Variants in FBXO46 observed in about 807,000 individuals in gnomAD.
The protein encoded by FBXO46 is F-box only protein 46.
FBXO46 carries 13 observed loss-of-function variants against 30.7 expected under a neutral mutation model. The observed-to-expected ratio is 0.42, with a 90% confidence interval of 0.28 to 0.67. FBXO46 has a LOEUF of 0.67. Among genes scored for constraint, FBXO46 ranks in the 30% least tolerant of loss-of-function variants. FBXO46 has a pLI of 0.21. For synonymous variants in FBXO46, 467 were observed against 385.8 expected (o/e 1.21, Z -2.47); for missense variants, 754 against 871.5 (o/e 0.87, Z 1.70).
Position 45,713,509 on chromosome 19 carries a change from G to A in FBXO46, c.-14C>T. The A allele has an allele frequency of 2.6e-6, 4 of 1,535,346 alleles. No individual in the cohort carries two copies. Among genetic ancestry groups the A allele is most frequent in the Non-Finnish European group, 3.5e-6 (4 of 1,137,308 alleles). The stretch of plus-strand genomic sequence containing the variant: ...CCCACGGTCCATGCTGGGGGATGAT[G>A]GCAGACAGGCTGGGCTTCAGCGCAT... On this transcript the variant is annotated 5_prime_UTR_variant, in exon 2 of 2. Transcript: ENST00000317683. This position sits in a 1 kb window ranked among gnomAD's most constrained non-coding sequence, Gnocchi z 4.7.
At chr19:45,727,515 C>T (rs1968255123) in intron 1 of FBXO46, among the ~76,000 whole-genome samples, 2 of 150,580 alleles carry the variant, frequency 1.3e-5, no homozygotes, top group South Asian at 2.1e-4. Context: ...GCCAAGATCA[C>T]ACCACTGGCC....
chr19:45,711,773 C>A lies in FBXO46; in HGVS notation c.1723G>T (p.Gly575Cys). The A allele has an allele frequency of 6.3e-7, 1 of 1,599,018 alleles. No homozygotes were observed. The highest frequency in any genetic ancestry group is 8.5e-7 in the Non-Finnish European group (1 of 1,175,270). Reference sequence around the variant, plus strand: ...TTATCGTGGAGGCCCAGGCGGCAGCCGGGAGTCTCGCGGTCGGCTCGACGG... The same window carrying A: ...TTATCGTGGAGGCCCAGGCGGCAGCAGGGAGTCTCGCGGTCGGCTCGACGG... ...CCRRADRETP[G>C]CRLGLHDNNW... Residue 575 changes from glycine to cysteine, a missense_variant, in exon 2 of 2, where the codon GGC becomes TGC. Physicochemically the swap from Gly to Cys is radical, Grantham distance 159 (BLOSUM62 -3). This residue lies in a region of FBXO46 where 162 missense variants were observed against 258.7 expected (regional missense o/e 0.63). Transcript: ENST00000317683.
At chr19:45,727,121 C>T (rs556135040) in intron 1 of FBXO46, among the ~76,000 whole-genome samples, 1 of 151,910 alleles carries the variant, frequency 6.6e-6, no homozygotes, top group African/African-American at 2.4e-5. Flanking sequence ...TGGTGACACA[C>T]GCTTGTAGTC....
chr19:45,712,383 C>T lies in FBXO46; in HGVS notation c.1113G>A (p.Thr371=), dbSNP rs752382090. 2.6e-5 allele frequency: 41 copies of T among 1,605,086 alleles called. No individual in the cohort carries two copies. In the Admixed American group the frequency reaches 5.0e-4, roughly 20 times the overall value. The change falls in exon 2 of 2, where the codon ACG becomes ACA. Residue 371 remains threonine (T), a synonymous_variant. Coordinates refer to ENST00000317683, the MANE Select transcript of FBXO46 (RefSeq NM_001080469.2). This position sits in a 1 kb window ranked among gnomAD's most constrained non-coding sequence, Gnocchi z 8.8. ...AGAAGATGCACTCATCTACCACGCCCGTCACCACCACGTCCACGTGGAAGC... is the reference window on the plus strand; with the variant it reads ...AGAAGATGCACTCATCTACCACGCCTGTCACCACCACGTCCACGTGGAAGC... The part of the protein sequence containing the change: ...ASGFHVDVVV[T]GVVDECIFFG...
chr19:45,712,959 C>T lies in FBXO46; in HGVS notation c.537G>A (p.Val179=), dbSNP rs1243830322. The part of the protein sequence containing the change: ...LLSVAEMVAL[V]EQRAALALQS... ...GCAGGGCCAGGGCTGCCCGCTGTTC[C>T]ACCAGGGCCACCATCTCGGCCACAG... The change falls in exon 2 of 2, where the codon GTG becomes GTA. Residue 179 remains valine, a synonymous_variant. Transcript: ENST00000317683. The surrounding 1 kb of genome is among the most constrained non-coding windows in gnomAD (Gnocchi z 8.8). 1 of 1,584,268 alleles carries T rather than the reference C, an allele frequency of 6.3e-7. No individual in the cohort carries two copies. The highest frequency in any genetic ancestry group is 8.6e-7 in the Non-Finnish European group (1 of 1,164,600).
In FBXO46 at chr19:45,713,063, G is replaced by C; in HGVS notation, c.433C>G (p.Pro145Ala). ...GGGCCCTCCCGGCCCCCTGGGTCAG[G>C]AGGAGCCTTGGTGGGGTCAAGACAG... ...RRCLDPTKAP[P>A]DPGGREGPPA... Residue 145 changes from proline (P) to alanine (A), a missense_variant, in exon 2 of 2, where the codon CCT (proline) becomes GCT (alanine). By Grantham distance (27) the Pro-to-Ala change is conservative. Transcript: ENST00000317683. This position sits in a 1 kb window ranked among gnomAD's most constrained non-coding sequence, Gnocchi z 4.7. The C allele has an allele frequency of 4.4e-6, 7 of 1,578,198 alleles. No individual in the cohort carries two copies. The highest frequency in any genetic ancestry group is 6.0e-6 in the Non-Finnish European group (7 of 1,163,948).
intron 1 of FBXO46, among the ~76,000 whole-genome samples, chr19:45,721,828 C>T (rs1327555236): frequency 6.6e-6 from 1 of 150,612 alleles, no homozygotes; most frequent in South Asian, 2.1e-4. Flanking sequence ...CCACCACGCC[C>T]GGCACCACCC....
chr19:45,712,483 C>T lies in FBXO46; in HGVS notation c.1013G>A (p.Ser338Asn). 6 of 1,606,992 alleles carry T rather than the reference C, an allele frequency of 3.7e-6. No homozygotes were observed. Among genetic ancestry groups the T allele is most frequent in the Non-Finnish European group, 5.1e-6 (6 of 1,176,538 alleles). Residue 338 changes from serine to asparagine, a missense_variant, in exon 2 of 2, where the codon AGC becomes AAC. By Grantham distance (46) the Ser-to-Asn change is conservative (BLOSUM62 1). Around this residue, in one of 5 missense-constraint regions of FBXO46, gnomAD observed 454 missense variants for 426.5 expected, o/e 1.06. Transcript: ENST00000317683. This position sits in a 1 kb window ranked among gnomAD's most constrained non-coding sequence, Gnocchi z 8.8. ...ARADEASEGD[S>N]PAPARPEDTP... Reference sequence around the variant, plus strand: ...GTCCTCAGGCCTGGCGGGTGCCGGGCTGTCACCCTCACTGGCCTCATCCGC... The same window carrying T: ...GTCCTCAGGCCTGGCGGGTGCCGGGTTGTCACCCTCACTGGCCTCATCCGC...
At chr19:45,731,330 T>C (rs1206180447), upstream of FBXO46, among the ~76,000 whole-genome samples, 38 of 151,246 alleles carry the variant, frequency 2.5e-4, no homozygotes, top group African/African-American at 9.2e-4. Context: ...TTTTTTTTTT[T>C]TTTTGAGACG....
Position 45,712,041 on chromosome 19 carries a change from G to A in FBXO46, c.1455C>T (p.Phe485=), listed in dbSNP as rs766581156. 9 of 1,612,136 alleles carry A rather than the reference G, an allele frequency of 5.6e-6. No homozygotes were observed. The highest frequency in any genetic ancestry group is 5.3e-5 in the African/African-American group (4 of 74,916). ...CCAGCGCGCGCGTGGGCAGGAAGCT[G>A]AAGATCTTGACCAGCACGTGCTCGG... ...LLPEHVLVKI[F]SFLPTRALAA... The change falls in exon 2 of 2, where the codon TTC becomes TTT. Residue 485 remains phenylalanine, a synonymous_variant. Coordinates refer to ENST00000317683, the MANE Select transcript of FBXO46 (RefSeq NM_001080469.2). The surrounding 1 kb of genome is among the most constrained non-coding windows in gnomAD (Gnocchi z 8.8).
Position 45,712,248 on chromosome 19 carries a change from C to A in FBXO46, c.1248G>T (p.Pro416=). ...GQLFFLQNRG[P]DGPPEPPPAD... is the part of the protein sequence containing the mutation. ...CCGGGGGTGGCTCCGGGGGCCCGTC[C>A]GGCCCGCGGTTCTGGAGAAAGAAGA... The change falls in exon 2 of 2, where the codon CCG becomes CCT. Residue 416 remains proline (P), a synonymous_variant. Coordinates refer to ENST00000317683, the MANE Select transcript of FBXO46 (RefSeq NM_001080469.2). The surrounding 1 kb of genome is among the most constrained non-coding windows in gnomAD (Gnocchi z 8.8). 1 of 1,604,562 alleles carries A rather than the reference C, an allele frequency of 6.2e-7. No individual in the cohort carries two copies.
chr19:45,719,440 G>T (rs748900977), intron 1 of FBXO46, among the ~76,000 whole-genome samples: 12 of 151,162 alleles, frequency 7.9e-5, no homozygotes, highest in Non-Finnish European at 1.5e-4. Flanking sequence ...CTTCCAAATA[G>T]ATAAAGCAAA....
upstream of FBXO46, among the ~76,000 whole-genome samples, chr19:45,733,095 G>A (rs1968349063): frequency 1.3e-5 from 2 of 152,148 alleles, no homozygotes; most frequent in African/African-American, 2.4e-5. This position sits in a 1 kb window ranked among gnomAD's most constrained non-coding sequence, Gnocchi z 5.7. Context: ...AGGGCCAGAA[G>A]GGACACAGGC....
rs547331880 is a variant in FBXO46, at chr19:45,712,788, C to T, written c.708G>A (p.Ala236=). The stretch of plus-strand genomic sequence containing the variant: ...CCTTGGTGGGAGGGCTGTCCCTCTG[C>T]GCTTCAAAGTGGGCCACGGCCTCGG... The part of the protein sequence containing the change: ...RVAEAVAHFE[A]QRDSPPTKGL... Residue 236 remains alanine, a synonymous_variant, in exon 2 of 2, where the codon GCG becomes GCA. Coordinates refer to ENST00000317683, the MANE Select transcript of FBXO46 (RefSeq NM_001080469.2). The surrounding 1 kb of genome is among the most constrained non-coding windows in gnomAD (Gnocchi z 8.8). 1.7e-5 allele frequency: 28 copies of T among 1,611,474 alleles called. No individual in the cohort carries two copies. Among genetic ancestry groups the T allele is most frequent in the South Asian group, 1.2e-4 (11 of 90,868 alleles).
intron 1 of FBXO46, chr19:45,715,107 T>C (rs987571784): frequency 2.0e-5 from 3 of 152,348 alleles, no homozygotes; most frequent in Admixed American, 6.5e-5. Context: ...TTGGAATGAC[T>C]TGATGTGAAT....
intron 1 of FBXO46, among the ~76,000 whole-genome samples, chr19:45,721,980 T>C (rs1968178673): frequency 6.6e-6 from 1 of 152,046 alleles, no homozygotes; most frequent in Admixed American, 6.6e-5. Flanking sequence ...CCTGCCACCA[T>C]GCCCGGCTAA....
At chr19:45,726,981 G>A (rs1968247957) in intron 1 of FBXO46, among the ~76,000 whole-genome samples, 1 of 152,150 alleles carries the variant, frequency 6.6e-6, no homozygotes, top group South Asian at 2.1e-4. Context: ...AGGCTGGCTG[G>A]GCACTGGGGC....
In FBXO46 at chr19:45,711,735, C is replaced by G; in HGVS notation, c.1761G>C (p.Leu587=). The change falls in exon 2 of 2, where the codon CTG becomes CTC. Residue 587 remains leucine (L), a synonymous_variant. Coordinates refer to ENST00000317683, the MANE Select transcript of FBXO46 (RefSeq NM_001080469.2). Reference sequence around the variant, plus strand: ...GGCCCCCGCCTGGCCCATTGCAGGGCAGCACCCAGTTGTTATCGTGGAGGC... The same window carrying G: ...GGCCCCCGCCTGGCCCATTGCAGGGGAGCACCCAGTTGTTATCGTGGAGGC... The part of the protein sequence containing the change: ...RLGLHDNNWV[L]PCNGPGGGRA... 1 of 1,510,552 alleles carries G rather than the reference C, an allele frequency of 6.6e-7. No individual in the cohort carries two copies. The highest frequency in any genetic ancestry group is 8.9e-7 in the Non-Finnish European group (1 of 1,129,902). The allele number at this position is 1,510,552 out of a possible 1,614,324, so 93.6% of individuals were successfully genotyped here. A position where few individuals can be genotyped will look rare whatever the true frequency, so the allele number is the denominator to read the frequency against.
At position 45,711,630 on chromosome 19, in the gene FBXO46, G is replaced by T. The variant is rs770643374; in HGVS notation, c.*54C>A. The T allele has an allele frequency of 2.9e-6, 4 of 1,374,440 alleles. No individual in the cohort carries two copies. The highest frequency in any genetic ancestry group is 3.5e-4 in the Middle Eastern group (2 of 5,664). The allele number at this position is 1,374,440 out of a possible 1,614,324, so 85.1% of individuals were successfully genotyped here. A position where few individuals can be genotyped will look rare whatever the true frequency, so the allele number is the denominator to read the frequency against. On this transcript the variant is annotated 3_prime_UTR_variant, in exon 2 of 2. Coordinates refer to ENST00000317683, the MANE Select transcript of FBXO46 (RefSeq NM_001080469.2). ...GGCCCAGTCCGGACCCTCGGCTCCC[G>T]GGGGGAGAGGGGAGGGGTGGGCGTG...
Sources: allele counts gnomAD v4.1 joint callset (sites outside exome capture counted in the v4.1 genomes callset), GRCh38; gene constraint gnomAD v4.1.1; regional missense constraint gnomAD v4.1.1; non-coding constraint Gnocchi (gnomAD v3.1); transcripts MANE v1.5; gene names NCBI Gene and HGNC (gene_info 2026-07-23, HGNC 2026-07-21).